Variants in FBXL17 observed in about 807,000 individuals in gnomAD.
FBXL17 encodes F-box/LRR-repeat protein 17.
Under a neutral mutation model 66.2 loss-of-function variants are expected in FBXL17, and 22 were observed. The ratio of observed to expected loss-of-function variants is 0.33; its 90% CI spans 0.24 to 0.47. The LOEUF (loss-of-function observed/expected upper bound fraction) is 0.47, where lower values mean the gene tolerates loss of function less well. Ranked by LOEUF, FBXL17 falls within the 20% of genes least tolerant of loss-of-function variation. The pLI is 1.00. For missense variants in FBXL17, 878 were observed against 948.2 expected (o/e 0.93, Z 0.97); for synonymous variants, 474 against 400.5 (o/e 1.18, Z -2.19).
intron 8 of FBXL17, among the ~76,000 whole-genome samples, chr5:107,864,417 T>C (rs1015834132): frequency 1.3e-5 from 2 of 152,262 alleles, no homozygotes; most frequent in African/African-American, 2.4e-5. Context: ...TTTTTCTTAA[T>C]GGTTTCTTGA....
At chr5:108,014,433 C>T (rs116238399) in intron 7 of FBXL17, among the ~76,000 whole-genome samples, 37 of 152,102 alleles carry the variant, frequency 2.4e-4, no homozygotes, top group African/African-American at 7.5e-4. Flanking sequence ...TTTAAAAAAA[C>T]GACTAAATGT....
chr5:108,209,465 T>C (rs1004033695), intron 5 of FBXL17, among the ~76,000 whole-genome samples: 7 of 152,220 alleles, frequency 4.6e-5, no homozygotes, highest in African/African-American at 1.2e-4. Flanking sequence ...ATAACTCTTA[T>C]TATTTTGAGA....
At chr5:108,286,475 G>C (rs544624954) in intron 4 of FBXL17, among the ~76,000 whole-genome samples, 1 of 151,698 alleles carries the variant, frequency 6.6e-6, no homozygotes, top group South Asian at 2.1e-4. Context: ...ACAAAAATCA[G>C]TATCATTCCT....
Position 108,375,122 on chromosome 5 carries a change from A to G in FBXL17, c.993+5577T>C, listed in dbSNP as rs778625783. On this transcript the variant is annotated intron_variant, in intron 1 of 8. Transcript: ENST00000542267. ...TAATCCCAGCACTTTGGGAAGCCAA[A>G]GTGGGAGGACTGCTTGAAGCCAGGA... is the stretch of plus-strand genomic sequence containing the variant. Among the ~76,000 whole-genome samples the G allele has an allele frequency of 6.2e-4, 95 of 152,232 alleles. 1 individual carries two copies. The highest frequency in any genetic ancestry group is 1.5e-3 in the South Asian group (7 of 4,814).
At chr5:108,112,857 C>T (rs913088860) in intron 6 of FBXL17, among the ~76,000 whole-genome samples, 3 of 152,148 alleles carry the variant, frequency 2.0e-5, no homozygotes, top group African/African-American at 7.2e-5. Context: ...TAAAACTTTA[C>T]TTCCTCTGGT....
intron 7 of FBXL17, among the ~76,000 whole-genome samples, chr5:107,943,066 T>A (rs960159307): frequency 1.4e-4 from 22 of 152,186 alleles, no homozygotes; most frequent in African/African-American, 5.3e-4. Flanking sequence ...TTGCTTGCTC[T>A]TGCTGGCTCT....
chr5:108,198,678 A>G (rs1374851729), intron 5 of FBXL17, among the ~76,000 whole-genome samples: 10 of 152,180 alleles, frequency 6.6e-5, no homozygotes, highest in Admixed American at 6.6e-4. Context: ...TTAGTTTTAC[A>G]TTGTTCTATA....
chr5:108,053,836 C>T (rs1169869231), intron 6 of FBXL17, among the ~76,000 whole-genome samples: 1 of 152,086 alleles, frequency 6.6e-6, no homozygotes, highest in Non-Finnish European at 1.5e-5. Context: ...GCACTATTTA[C>T]AATACCAAAG....
chr5:107,890,367 A>C (rs570229453), intron 7 of FBXL17, among the ~76,000 whole-genome samples: 3 of 152,192 alleles, frequency 2.0e-5, no homozygotes, highest in Non-Finnish European at 2.9e-5. Context: ...TAAAAAAAAA[A>C]AAAACTGTCT....
At chr5:108,045,373 C>G (rs751918045) in intron 6 of FBXL17, among the ~76,000 whole-genome samples, 3 of 152,058 alleles carry the variant, frequency 2.0e-5, no homozygotes, top group Non-Finnish European at 4.4e-5. Context: ...ACCCAGGAGG[C>G]AGAGGTTTCA....
chr5:107,980,664 A>ATATATTTTTTTTTTTTTTT, intron 7 of FBXL17, among the ~76,000 whole-genome samples: 5 of 62,078 alleles, frequency 8.1e-5, no homozygotes, highest in African/African-American at 3.1e-4. Flanking sequence ...ATATATATAT[A>ATATATTTTTTTTTTTTTTT]TTTTTTTTTT....
Position 107,921,508 on chromosome 5 carries a change from T to C in FBXL17, c.1823-40329A>G, listed in dbSNP as rs79717434. Among the ~76,000 whole-genome samples, 1,359 of 152,250 alleles carry C rather than the reference T, an allele frequency of 8.9e-3. 19 individuals are homozygous for C. The highest frequency in any genetic ancestry group is 0.031 in the African/African-American group (1,274 of 41,552). On this transcript the variant is annotated intron_variant, in intron 7 of 8. Coordinates refer to ENST00000542267, the MANE Select transcript of FBXL17 (RefSeq NM_001163315.3). ...AAACAGTATGGCAAAGCACAGGGCATAGATGGTGGCATGGCATAGAGGAAG... is the reference window on the plus strand; with the variant it reads ...AAACAGTATGGCAAAGCACAGGGCACAGATGGTGGCATGGCATAGAGGAAG...
chr5:108,205,525 G>A (rs2150053980), intron 5 of FBXL17, among the ~76,000 whole-genome samples: 1 of 152,196 alleles, frequency 6.6e-6, no homozygotes, highest in Non-Finnish European at 1.5e-5. Flanking sequence ...ATCACATTTA[G>A]TTGTTTTGTC....
At chr5:108,262,449 T>C (rs1187836895) in intron 4 of FBXL17, among the ~76,000 whole-genome samples, 1 of 152,026 alleles carries the variant, frequency 6.6e-6, no homozygotes, top group Non-Finnish European at 1.5e-5. Flanking sequence ...TCAAAAGAAA[T>C]AGAGACCTTG....
intron 4 of FBXL17, among the ~76,000 whole-genome samples, chr5:108,247,658 T>A (rs1027759470): frequency 1.2e-4 from 18 of 152,194 alleles, no homozygotes; most frequent in Non-Finnish European, 2.9e-5. Flanking sequence ...CTTGTGATAT[T>A]TAAAGTTTAT....
At chr5:108,215,970 G>T (rs895173353) in intron 5 of FBXL17, among the ~76,000 whole-genome samples, 1 of 149,564 alleles carries the variant, frequency 6.7e-6, no homozygotes, top group African/African-American at 2.5e-5. Context: ...CTCATTGAAT[G>T]GTTTTAGCAC....
At chr5:108,188,216 T>A (rs1753318770) in intron 5 of FBXL17, among the ~76,000 whole-genome samples, 2 of 152,158 alleles carry the variant, frequency 1.3e-5, no homozygotes, top group African/African-American at 4.8e-5. Flanking sequence ...AGAGAGTTCA[T>A]AGAGTCACTA....
At chr5:108,143,251 T>C (rs1751426138) in intron 6 of FBXL17, among the ~76,000 whole-genome samples, 1 of 151,814 alleles carries the variant, frequency 6.6e-6, no homozygotes, top group African/African-American at 2.4e-5. Flanking sequence ...AATATAACAT[T>C]ACAGATCCCA....
intron 6 of FBXL17, among the ~76,000 whole-genome samples, chr5:108,165,540 G>A (rs1752385103): frequency 6.6e-6 from 1 of 152,176 alleles, no homozygotes; most frequent in South Asian, 2.1e-4. Context: ...TACTAATAAA[G>A]AAAGGCAAGG....
Sources: gnomAD v4.1 joint callset for allele counts (sites outside exome capture counted in the v4.1 genomes callset) on GRCh38, gnomAD v4.1.1 for gene constraint, MANE v1.5 for transcripts, NCBI Gene and HGNC (gene_info 2026-07-23, HGNC 2026-07-21) for gene names.